GABRR2: variants seen among roughly 807,000 people sequenced by gnomAD.
GABRR2 encodes the protein gamma-aminobutyric acid type A receptor subunit rho2.
In GABRR2, 36 loss-of-function variants were observed where a neutral mutation model predicts 47.0. The ratio of observed to expected loss-of-function variants is 0.77; its 90% CI spans 0.59 to 1.01. The LOEUF is 1.01. Among genes scored for constraint, GABRR2 ranks in the 50% least tolerant of loss-of-function variants. The probability of loss-of-function intolerance (pLI) is 0.00; values close to 1 mark genes in which losing one functional copy is unlikely to be tolerated. For missense variants in GABRR2, 587 were observed against 594.6 expected (o/e 0.99, Z 0.13); for synonymous variants, 204 against 227.5 (o/e 0.90, Z 0.93).
At chr6:89,276,222 A>G (rs1774157516) in intron 2 of GABRR2, among the ~76,000 whole-genome samples, 1 of 150,340 alleles carries the variant, frequency 6.7e-6, no homozygotes, top group African/African-American at 2.4e-5. Context: ...ATACACAATA[A>G]CCAGCAGGAA....
At chr6:89,293,021 T>C (rs1774498059) in intron 2 of GABRR2, among the ~76,000 whole-genome samples, 1 of 151,914 alleles carries the variant, frequency 6.6e-6, no homozygotes, top group African/African-American at 2.4e-5. Context: ...ATAGCAGCAC[T>C]ATTCACAATA....
chr6:89,260,653 C>A (rs80120735), intron 8 of GABRR2, among the ~76,000 whole-genome samples: 2,997 of 152,308 alleles, frequency 0.02, 43 homozygotes, highest in Non-Finnish European at 0.03. Flanking sequence ...GCATCAGAAT[C>A]ACCTGGGAAC....
chr6:89,254,541 T>C lies in GABRR2; in HGVS notation c.*3129A>G, dbSNP rs1274423224. Among the ~76,000 whole-genome samples, 1 of 152,224 alleles carries C rather than the reference T, an allele frequency of 6.6e-6. No homozygotes were observed. Among genetic ancestry groups the C allele is most frequent in the Non-Finnish European group, 1.5e-5 (1 of 68,044 alleles). On this transcript the variant is annotated 3_prime_UTR_variant, in exon 9 of 9. Transcript: ENST00000402938. ...TTCATATTGGTGAAATCAGGATTCA[T>C]ATTATAATCATTGGCATTCCAGAAT...
At chr6:89,264,894 C>T (rs1582436066) in intron 7 of GABRR2, among the ~76,000 whole-genome samples, 1 of 152,054 alleles carries the variant, frequency 6.6e-6, no homozygotes, top group Non-Finnish European at 1.5e-5. Context: ...TTAAAGACAG[C>T]GACTAAAGGA....
At chr6:89,301,506 A>T (rs1480683457) in intron 1 of GABRR2, among the ~76,000 whole-genome samples, 3 of 152,290 alleles carry the variant, frequency 2.0e-5, no homozygotes, top group Non-Finnish European at 4.4e-5. Context: ...CCTTCAGGTG[A>T]TAAACAACTT....
rs768747095 is a variant in GABRR2 at position 89,269,071 on chromosome 6, G to A, written c.452C>T (p.Thr151Ile). ...VHSKRSFTHDTTTDNIMLRVF... is the reference protein window; with the variant it reads ...VHSKRSFTHDITTDNIMLRVF... ...CCTCAGCATGATGTTGTCAGTGGTGGTGTCATGAGTGAACGATCTTTTGGA... is the reference window on the plus strand; with the variant it reads ...CCTCAGCATGATGTTGTCAGTGGTGATGTCATGAGTGAACGATCTTTTGGA... The change falls in exon 4 of 9, where the codon ACC (threonine) becomes ATC (isoleucine). Residue 151 changes from threonine (T) to isoleucine (I), a missense_variant. Physicochemically the swap from Thr to Ile is moderately conservative, Grantham distance 89 (BLOSUM62 -1). Transcript: ENST00000402938. 1.2e-6 allele frequency: 2 copies of A among 1,614,050 alleles called. No homozygotes were observed. The highest frequency in any genetic ancestry group is 1.7e-6 in the Non-Finnish European group (2 of 1,179,900).
intron 2 of GABRR2, among the ~76,000 whole-genome samples, chr6:89,281,195 A>G (rs1043534232): frequency 6.6e-6 from 1 of 152,238 alleles, no homozygotes; most frequent in African/African-American, 2.4e-5. Context: ...GCAATTCGCA[A>G]TATGGAGATG....
chr6:89,312,535 G>A (rs1380718497), intron 1 of GABRR2, among the ~76,000 whole-genome samples: 2 of 152,206 alleles, frequency 1.3e-5, no homozygotes, highest in Admixed American at 6.5e-5. Flanking sequence ...GAGTGTGACC[G>A]TGTGTGTGAA....
chr6:89,262,700 CA>C (rs1015701749), intron 8 of GABRR2, among the ~76,000 whole-genome samples: 1 of 152,108 alleles, frequency 6.6e-6, no homozygotes, highest in Non-Finnish European at 1.5e-5. Context: ...CGTTACATGG[CA>C]AAAATAAATT....
chr6:89,288,758 C>G (rs1421654434), intron 2 of GABRR2, among the ~76,000 whole-genome samples: 1 of 152,144 alleles, frequency 6.6e-6, no homozygotes, highest in Non-Finnish European at 1.5e-5. Context: ...CCTCCCACTT[C>G]AACCTCCCAA....
chr6:89,258,266 T>C (rs1773654517), intron 8 of GABRR2, among the ~76,000 whole-genome samples: 1 of 152,176 alleles, frequency 6.6e-6, no homozygotes, highest in Admixed American at 6.5e-5. Flanking sequence ...ACTGATCTAG[T>C]CCAAATCCCT....
At chr6:89,298,152 G>A (rs573093029) in intron 2 of GABRR2, among the ~76,000 whole-genome samples, 37 of 152,324 alleles carry the variant, frequency 2.4e-4, no homozygotes, top group African/African-American at 8.7e-4. Context: ...ATCAGGTTGC[G>A]GTTGGAAGGG....
chr6:89,266,089 G>A (rs551403442), intron 6 of GABRR2, among the ~76,000 whole-genome samples: 1 of 152,136 alleles, frequency 6.6e-6, no homozygotes, highest in Non-Finnish European at 1.5e-5. Flanking sequence ...TTGAGACAGG[G>A]TCTTGCTCTG....
intron 2 of GABRR2, among the ~76,000 whole-genome samples, chr6:89,273,515 A>G (rs111327093): frequency 0.036 from 5,545 of 152,272 alleles, 341 homozygotes; most frequent in African/African-American, 0.13. Flanking sequence ...GATTAGAGGC[A>G]TGAGCCACCG....
chr6:89,272,628 G>T (rs1774078980), intron 2 of GABRR2, among the ~76,000 whole-genome samples: 1 of 152,204 alleles, frequency 6.6e-6, no homozygotes, highest in South Asian at 2.1e-4. Flanking sequence ...AGGTGCAGCT[G>T]GGCTGGGCCT....
chr6:89,273,254 A>G (rs548682680), intron 2 of GABRR2, among the ~76,000 whole-genome samples: 2 of 152,252 alleles, frequency 1.3e-5, no homozygotes, highest in African/African-American at 4.8e-5. Context: ...TTCTTTTGAG[A>G]CAGAGTCTCG....
chr6:89,258,753 G>C (rs1773670050), intron 8 of GABRR2, among the ~76,000 whole-genome samples: 1 of 150,208 alleles, frequency 6.7e-6, no homozygotes, highest in Non-Finnish European at 1.5e-5. Flanking sequence ...GAAAGAAAAA[G>C]ATGATGAGGT....
intron 2 of GABRR2, among the ~76,000 whole-genome samples, chr6:89,292,806 TATATACG>T (rs1449790603): frequency 0.012 from 248 of 21,140 alleles, 34 homozygotes; most frequent in East Asian, 0.022. Context: ...GTATATATCG[TATATACG>T]ATATATCGTA....
intron 2 of GABRR2, among the ~76,000 whole-genome samples, chr6:89,294,582 G>A (rs1774525024): frequency 6.6e-6 from 1 of 151,948 alleles, no homozygotes; most frequent in Non-Finnish European, 1.5e-5. Context: ...AGTATGGTGG[G>A]CGCTACTGGA....
Sources: gnomAD v4.1 joint callset for allele counts (sites outside exome capture counted in the v4.1 genomes callset) on GRCh38, gnomAD v4.1.1 for gene constraint, MANE v1.5 for transcripts, NCBI Gene and HGNC (gene_info 2026-07-23, HGNC 2026-07-21) for gene names.